The following SEC22A variants were observed in gnomAD, a reference collection of about 807,000 sequenced individuals.
SEC22A encodes SEC22 homolog A, vesicle trafficking protein, also known as vesicle-trafficking protein SEC22a.
A neutral mutation model predicts 35.3 loss-of-function variants in SEC22A; 22 were observed. That is an observed-to-expected ratio of 0.62 (90% CI 0.45 to 0.89). SEC22A has a LOEUF of 0.89. SEC22A is among the 40% of genes least tolerant of loss of function. The pLI is 0.00. For missense variants in SEC22A, 354 were observed against 362.5 expected (o/e 0.98, Z 0.19); for synonymous variants, 119 against 129.5 (o/e 0.92, Z 0.55).
At chr3:123,238,431 C>T (rs968195641) in intron 4 of SEC22A, among the ~76,000 whole-genome samples, 7 of 152,094 alleles carry the variant, frequency 4.6e-5, no homozygotes, top group African/African-American at 9.7e-5. Flanking sequence ...CTCCTGACCT[C>T]GTGATCTGCC....
chr3:123,264,416 C>T (rs1937974296), intron 6 of SEC22A, among the ~76,000 whole-genome samples: 1 of 152,224 alleles, frequency 6.6e-6, no homozygotes, highest in Admixed American at 6.5e-5. Context: ...TTTACATTCC[C>T]TCCAGCAATG....
At chr3:123,206,392 A>G (rs1936853035) in intron 1 of SEC22A, among the ~76,000 whole-genome samples, 1 of 152,200 alleles carries the variant, frequency 6.6e-6, no homozygotes, top group African/African-American at 2.4e-5. Flanking sequence ...AAATACTAAA[A>G]TGTGGGTATT....
chr3:123,225,526 T>C (rs1937205035), intron 4 of SEC22A, among the ~76,000 whole-genome samples: 1 of 152,176 alleles, frequency 6.6e-6, no homozygotes, highest in Non-Finnish European at 1.5e-5. Context: ...TAGAAAAACA[T>C]TTTTTTAAAT....
chr3:123,220,859 A>G (rs1937107191), intron 2 of SEC22A, among the ~76,000 whole-genome samples: 1 of 87,544 alleles, frequency 1.1e-5, no homozygotes, highest in Non-Finnish European at 2.8e-5. Flanking sequence ...GGTCTTTAAA[A>G]AAGGTCTCAT....
At chr3:123,245,516 G>A (rs1045529411) in intron 4 of SEC22A, among the ~76,000 whole-genome samples, 1 of 151,568 alleles carries the variant, frequency 6.6e-6, no homozygotes, top group African/African-American at 2.4e-5. Context: ...GCAACATAGT[G>A]AGACTCTGTC....
chr3:123,268,856 T>C (rs887601220), intron 6 of SEC22A, among the ~76,000 whole-genome samples: 1 of 152,202 alleles, frequency 6.6e-6, no homozygotes, highest in Non-Finnish European at 1.5e-5. Flanking sequence ...CCAGCCTTTT[T>C]GTTGTTGTTC....
At chr3:123,271,292 C>G (rs1938152986) in intron 6 of SEC22A, among the ~76,000 whole-genome samples, 1 of 152,114 alleles carries the variant, frequency 6.6e-6, no homozygotes, top group African/African-American at 2.4e-5. Context: ...ATACAAAATG[C>G]TTTTCTTCTG....
intron 6 of SEC22A, among the ~76,000 whole-genome samples, chr3:123,263,104 G>A (rs9845656): frequency 0.24 from 37,016 of 152,086 alleles, 4,692 homozygotes; most frequent in Middle Eastern, 0.31. Context: ...AATTACTAAC[G>A]CATTCTCCAT....
At chr3:123,221,470 C>CA (rs56800842) in intron 2 of SEC22A, among the ~76,000 whole-genome samples, 20,745 of 60,324 alleles carry the variant, frequency 0.34, 4,323 homozygotes, top group Non-Finnish European at 0.41. Flanking sequence ...GAGTCCATCT[C>CA]AAAAAAAAAA....
intron 2 of SEC22A, among the ~76,000 whole-genome samples, chr3:123,209,907 T>C (rs542940519): frequency 6.6e-6 from 1 of 152,246 alleles, no homozygotes; most frequent in South Asian, 2.1e-4. Context: ...GAGGTAATTA[T>C]ATGAAGGATG....
At chr3:123,209,995 C>G (rs920611226) in intron 2 of SEC22A, among the ~76,000 whole-genome samples, 8 of 152,124 alleles carry the variant, frequency 5.3e-5, no homozygotes, top group Non-Finnish European at 8.8e-5. Context: ...GAAAGAAAAC[C>G]AGTGATCCTG....
chr3:123,269,944 A>T (rs144508933), intron 6 of SEC22A, among the ~76,000 whole-genome samples: 11 of 120,952 alleles, frequency 9.1e-5, no homozygotes, highest in African/African-American at 1.5e-4. Context: ...AAATTTTTTT[A>T]AAAAAAGATG....
intron 2 of SEC22A, among the ~76,000 whole-genome samples, chr3:123,219,022 C>T (rs1937079622): frequency 6.6e-6 from 1 of 152,120 alleles, no homozygotes; most frequent in African/African-American, 2.4e-5. Context: ...CTATGATATA[C>T]TGTAGGAGTG....
intron 4 of SEC22A, among the ~76,000 whole-genome samples, chr3:123,235,212 C>T (rs1332872047): frequency 6.6e-6 from 1 of 152,078 alleles, no homozygotes; most frequent in Non-Finnish European, 1.5e-5. Flanking sequence ...AAACTTTGTT[C>T]TTCGAACGAC....
At chr3:123,245,343 G>A (rs1937557635) in intron 4 of SEC22A, among the ~76,000 whole-genome samples, 2 of 152,140 alleles carry the variant, frequency 1.3e-5, no homozygotes, top group Admixed American at 6.5e-5. Context: ...TTTACTGCCG[G>A]TTGTGAGCAT....
Position 123,272,695 on chromosome 3 carries a change from G to T in SEC22A, c.*973G>T, listed in dbSNP as rs1433087025. 1 of 153,718 alleles carries T rather than the reference G, an allele frequency of 6.5e-6. No individual in the cohort carries two copies. Among genetic ancestry groups the T allele is most frequent in the African/African-American group, 2.4e-5 (1 of 41,452 alleles). The allele number at this position is 153,718 out of a possible 1,614,324, so 9.5% of individuals were successfully genotyped here. ...AGGGAGATGTTACCAGCACCAGCAT[G>T]AGGCACTGTCTCTGGAATAGTCAGA... On this transcript the variant is annotated 3_prime_UTR_variant, in exon 7 of 7. Transcript: ENST00000492595.
rs1938173026 is a variant in SEC22A, at chr3:123,271,796, A to T, written c.*74A>T. 2 of 1,249,598 alleles carry T rather than the reference A, an allele frequency of 1.6e-6. No individual in the cohort carries two copies. The highest frequency in any genetic ancestry group is 3.0e-5 in the African/African-American group (2 of 67,344). 77.4% of individuals were successfully genotyped at this position (1,249,598 alleles called of 1,614,324 possible). A position where few individuals can be genotyped will look rare whatever the true frequency, so the allele number is the denominator to read the frequency against. On this transcript the variant is annotated 3_prime_UTR_variant, in exon 7 of 7. Transcript: ENST00000492595. ...ACATATCATAACTGCACTGTGATGA[A>T]GAAGCTGTTCCCCACAGAGGAGAAG...
At chr3:123,206,965 G>A (rs1401244109) in intron 1 of SEC22A, among the ~76,000 whole-genome samples, 1 of 152,158 alleles carries the variant, frequency 6.6e-6, no homozygotes, top group Non-Finnish European at 1.5e-5. Context: ...GCGCATGCCT[G>A]TAATCCTAGC....
chr3:123,264,864 C>T (rs1937991041), intron 6 of SEC22A, among the ~76,000 whole-genome samples: 1 of 151,886 alleles, frequency 6.6e-6, no homozygotes, highest in African/African-American at 2.4e-5. Flanking sequence ...CCAGGCTGGT[C>T]ATGAACTCCT....
Sources: gnomAD v4.1 joint callset for allele counts (sites outside exome capture counted in the v4.1 genomes callset) on GRCh38, gnomAD v4.1.1 for gene constraint, MANE v1.5 for transcripts, NCBI Gene and HGNC (gene_info 2026-07-23, HGNC 2026-07-21) for gene names.